FRMD3: variants seen among roughly 807,000 people sequenced by gnomAD.
FRMD3 encodes the protein FERM domain-containing protein 3.
Under a neutral mutation model 70.2 loss-of-function variants are expected in FRMD3, and 33 were observed. The observed-to-expected ratio is 0.47, with a 90% CI of 0.36 to 0.63. The LOEUF (loss-of-function observed/expected upper bound fraction) is 0.63, where lower values mean the gene tolerates loss of function less well. FRMD3 is among the 20% of genes least tolerant of loss of function. The pLI is 0.00. For missense variants in FRMD3, 632 were observed against 711.4 expected (o/e 0.89, Z 1.27); for synonymous variants, 279 against 255.9 (o/e 1.09, Z -0.86).
At chr9:83,331,870 T>C (rs1340786654) in intron 6 of FRMD3, 2 of 717,350 alleles carry the variant, frequency 2.8e-6, no homozygotes, top group African/African-American at 3.5e-5. Flanking sequence ...CACCATAGAA[T>C]TGCATTTCCT....
At chr9:83,356,306 T>C (rs372877394) in intron 3 of FRMD3, among the ~76,000 whole-genome samples, 30 of 144,894 alleles carry the variant, frequency 2.1e-4, no homozygotes, top group African/African-American at 6.7e-4. Flanking sequence ...GACAGAGTCT[T>C]GCTCTGTCGC....
chr9:83,312,439 TG>T (rs1208954334), intron 7 of FRMD3, among the ~76,000 whole-genome samples: 1 of 152,238 alleles, frequency 6.6e-6, no homozygotes, highest in Non-Finnish European at 1.5e-5. Flanking sequence ...AAAAGCTTAC[TG>T]TGCTTCCAGC....
chr9:83,524,703 T>A (rs1469556547), intron 1 of FRMD3, among the ~76,000 whole-genome samples: 1 of 152,152 alleles, frequency 6.6e-6, no homozygotes, highest in African/African-American at 2.4e-5. Flanking sequence ...ATTGGACCAA[T>A]CCTATAACAT....
the FRMD3 span, among the ~76,000 whole-genome samples, chr9:83,568,110 G>GCA: frequency 6.6e-6 from 1 of 152,332 alleles, no homozygotes; most frequent in East Asian, 1.9e-4. Context: ...GGTAGGAGAT[G>GCA]AAAGGCATTT....
chr9:83,413,586 T>A (rs1036100237), intron 1 of FRMD3, among the ~76,000 whole-genome samples: 1 of 152,218 alleles, frequency 6.6e-6, no homozygotes, highest in Non-Finnish European at 1.5e-5. Flanking sequence ...AGAATCCAAC[T>A]GTGAAAATTA....
intron 1 of FRMD3, among the ~76,000 whole-genome samples, chr9:83,494,860 C>T (rs35736862): frequency 0.47 from 61,364 of 129,618 alleles, 13,063 homozygotes; most frequent in African/African-American, 0.55. Context: ...TGTGTGTGTG[C>T]GCGCGCGCAT....
At chr9:83,284,190 C>G (rs11140004) in intron 13 of FRMD3, among the ~76,000 whole-genome samples, 71,785 of 150,960 alleles carry the variant, frequency 0.48, 19,777 homozygotes, top group South Asian at 0.76. Flanking sequence ...GTGGTAGGGA[C>G]AAGTCTAATT....
intron 3 of FRMD3, among the ~76,000 whole-genome samples, chr9:83,361,879 G>A (rs771812585): frequency 3.9e-5 from 6 of 152,158 alleles, no homozygotes; most frequent in Non-Finnish European, 5.9e-5. Flanking sequence ...AGGACTGCAG[G>A]AAACCAGCAG....
chr9:83,479,439 G>A (rs985737426), intron 1 of FRMD3, among the ~76,000 whole-genome samples: 24 of 87,304 alleles, frequency 2.7e-4, no homozygotes, highest in Non-Finnish European at 3.8e-4. Context: ...AAAGAAGGAA[G>A]GAAGGGAGGG....
chr9:83,413,147 C>T (rs1826328368), intron 1 of FRMD3, among the ~76,000 whole-genome samples: 2 of 152,194 alleles, frequency 1.3e-5, no homozygotes, highest in South Asian at 4.1e-4. Flanking sequence ...ATTCGTTCTG[C>T]TATGTTGAAC....
chr9:83,329,212 C>A (rs1836147045), intron 6 of FRMD3, among the ~76,000 whole-genome samples: 1 of 152,130 alleles, frequency 6.6e-6, no homozygotes, highest in South Asian at 2.1e-4. Flanking sequence ...CCCATCTTCC[C>A]CCTTCCTAAG....
At chr9:83,441,592 CT>C (rs1275172680) in intron 1 of FRMD3, among the ~76,000 whole-genome samples, 7 of 152,134 alleles carry the variant, frequency 4.6e-5, no homozygotes, top group African/African-American at 1.7e-4. Flanking sequence ...GAAAATTACT[CT>C]TAAGTATTTC....
In FRMD3 at chr9:83,538,245, G is replaced by C. The variant is rs1175017316; in HGVS notation, c.-14C>G. On this transcript the variant is annotated 5_prime_UTR_variant, in exon 1 of 14. Coordinates refer to ENST00000304195, the MANE Select transcript of FRMD3 (RefSeq NM_174938.6). This position sits in a 1 kb window ranked among gnomAD's most constrained non-coding sequence, Gnocchi z 4.7. ...GGAGGCGAACATGCACCGCGGCCGT[G>C]GGGAGCGAGCGGGAGGCTCAGGGCC... 1 of 1,550,820 alleles carries C rather than the reference G, an allele frequency of 6.4e-7. No individual in the cohort carries two copies. The highest frequency in any genetic ancestry group is 1.4e-5 in the African/African-American group (1 of 73,320).
intron 1 of FRMD3, among the ~76,000 whole-genome samples, chr9:83,493,578 A>G (rs1828877089): frequency 1.3e-5 from 2 of 152,226 alleles, no homozygotes; most frequent in South Asian, 4.1e-4. Context: ...AAACATAGTT[A>G]AGCAGTTGAT....
intron 1 of FRMD3, among the ~76,000 whole-genome samples, chr9:83,450,219 A>G (rs1827605045): frequency 6.6e-6 from 1 of 152,010 alleles, no homozygotes; most frequent in Non-Finnish European, 1.5e-5. Flanking sequence ...GCGCACACAC[A>G]CACACACACA....
rs1000322568 is a variant in FRMD3 at position 83,363,846 on chromosome 9, G to A, written c.295+9067C>T. On this transcript the variant is annotated intron_variant, in intron 3 of 13. Coordinates refer to ENST00000304195, the MANE Select transcript of FRMD3 (RefSeq NM_174938.6). Reference sequence around the variant, plus strand: ...TGGGATTACAGGCGTGAGTCACTGCGCCCGGCTGAGACATAGGCATTTTTA... The same window carrying A: ...TGGGATTACAGGCGTGAGTCACTGCACCCGGCTGAGACATAGGCATTTTTA... Among the ~76,000 whole-genome samples, 18 of 152,234 alleles carry A rather than the reference G, an allele frequency of 1.2e-4. No homozygotes were observed. The East Asian group carries it at 2.5e-3, about 21-fold the overall frequency.
chr9:83,486,990 G>A (rs150844934), intron 1 of FRMD3, among the ~76,000 whole-genome samples: 2,757 of 152,338 alleles, frequency 0.018, 35 homozygotes, highest in Non-Finnish European at 0.028. Flanking sequence ...ATTCTCCCAT[G>A]AACTGCTGTA....
chr9:83,325,285 T>C (rs1021501770), intron 6 of FRMD3, among the ~76,000 whole-genome samples: 3 of 152,188 alleles, frequency 2.0e-5, no homozygotes, highest in Admixed American at 6.5e-5. Context: ...TGTAACAAAA[T>C]GACACTTATA....
chr9:83,243,102 G>A (rs1831938196), downstream of FRMD3: 3 of 1,197,084 alleles, frequency 2.5e-6, no homozygotes, highest in African/African-American at 1.5e-5. Flanking sequence ...CCCACTGGGT[G>A]GGGCCCACCG....
Sources: allele counts gnomAD v4.1 joint callset (sites outside exome capture counted in the v4.1 genomes callset), GRCh38; gene constraint gnomAD v4.1.1; non-coding constraint Gnocchi (gnomAD v3.1); transcripts MANE v1.5; gene names NCBI Gene and HGNC (gene_info 2026-07-23, HGNC 2026-07-21).